The following TLL1 variants were observed in gnomAD, a reference collection of about 807,000 sequenced individuals.
TLL1 encodes the protein tolloid-like protein 1.
In TLL1, 49 loss-of-function variants were observed where a neutral mutation model predicts 128.2. That is an observed-to-expected ratio of 0.38 (90% CI 0.30 to 0.48). The LOEUF (loss-of-function observed/expected upper bound fraction) is 0.48, where lower values mean the gene tolerates loss of function less well. Among genes scored for constraint, TLL1 ranks in the 20% least tolerant of loss-of-function variants. The probability of loss-of-function intolerance (pLI) is 0.96; values close to 1 mark genes in which losing one functional copy is unlikely to be tolerated. For synonymous variants in TLL1, 454 were observed against 418.8 expected (o/e 1.08, Z -1.03); for missense variants, 1,123 against 1,242.0 (o/e 0.90, Z 1.44).
chr4:165,939,793 A>T (rs1275379678), intron 1 of TLL1, among the ~76,000 whole-genome samples: 1 of 151,996 alleles, frequency 6.6e-6, no homozygotes, highest in Non-Finnish European at 1.5e-5. Flanking sequence ...AGTTTTTGAG[A>T]GTAGAAAGGT....
In TLL1 at chr4:166,035,901, C is replaced by G. The variant is rs566060509; in HGVS notation, c.1159-3438C>G. On this transcript the variant is annotated intron_variant, in intron 9 of 20. Coordinates refer to ENST00000061240, the MANE Select transcript of TLL1 (RefSeq NM_012464.5). ...TCCATGGGTTATAGTTTACTGATAC[C>G]TGATTTACTCTCTCTCAGCCTTATT... Among the ~76,000 whole-genome samples the G allele has an allele frequency of 2.6e-5, 4 of 152,196 alleles. No homozygotes were observed. In the South Asian group the frequency reaches 8.3e-4, roughly 32 times the overall value.
At chr4:165,905,667 C>T (rs1732216012) in intron 1 of TLL1, among the ~76,000 whole-genome samples, 2 of 152,168 alleles carry the variant, frequency 1.3e-5, no homozygotes, top group African/African-American at 2.4e-5. Context: ...ATTACACACA[C>T]TCCTACTTTT....
intron 1 of TLL1, among the ~76,000 whole-genome samples, chr4:165,889,195 A>G (rs995753189): frequency 6.6e-6 from 1 of 152,222 alleles, no homozygotes; most frequent in Admixed American, 6.5e-5. Flanking sequence ...GAACTTTGTT[A>G]CAGAACTTAG....
chr4:166,063,357 A>T (rs575136296), intron 15 of TLL1, among the ~76,000 whole-genome samples: 399 of 152,270 alleles, frequency 2.6e-3, no homozygotes, highest in Middle Eastern at 0.01. Context: ...GCTGGAGAGG[A>T]TGTGGAGAAA....
At chr4:166,047,129 T>C (rs1739491065) in intron 12 of TLL1, among the ~76,000 whole-genome samples, 1 of 152,136 alleles carries the variant, frequency 6.6e-6, no homozygotes, top group African/African-American at 2.4e-5. Context: ...ATTCTAGTCT[T>C]TGCCTTGTTT....
intron 1 of TLL1, among the ~76,000 whole-genome samples, chr4:165,919,022 G>T (rs183592812): frequency 6.6e-6 from 1 of 152,252 alleles, no homozygotes; most frequent in Non-Finnish European, 1.5e-5. Flanking sequence ...ACTTTATTCA[G>T]TAATAATGGA....
chr4:165,933,672 G>A (rs1240080439), intron 1 of TLL1, among the ~76,000 whole-genome samples: 1 of 152,092 alleles, frequency 6.6e-6, no homozygotes, highest in Non-Finnish European at 1.5e-5. Context: ...GAGTGCTAGC[G>A]TGGATGGCTT....
At chr4:166,073,051 A>C in intron 16 of TLL1, among the ~76,000 whole-genome samples, 1 of 152,234 alleles carries the variant, frequency 6.6e-6, no homozygotes, top group Admixed American at 6.5e-5. Flanking sequence ...AACATTTTCA[A>C]AGGAAATATG....
At chr4:165,893,811 A>G (rs1460861291) in intron 1 of TLL1, among the ~76,000 whole-genome samples, 1 of 152,172 alleles carries the variant, frequency 6.6e-6, no homozygotes, top group Non-Finnish European at 1.5e-5. Flanking sequence ...TCTTAACCCT[A>G]ATTTAAACAC....
At chr4:166,024,046 C>G (rs1255823806) in intron 8 of TLL1, among the ~76,000 whole-genome samples, 1 of 151,920 alleles carries the variant, frequency 6.6e-6, no homozygotes, top group African/African-American at 2.4e-5. Flanking sequence ...TTCTTTTAAC[C>G]TTACATTTGT....
At position 165,891,999 on chromosome 4, in the gene TLL1, C is replaced by T. The variant is rs1273785614; in HGVS notation, c.169+17926C>T. 6.6e-5 allele frequency among the ~76,000 whole-genome samples: 10 copies of T among 152,286 alleles called. No homozygotes were observed. In the East Asian group the frequency reaches 1.7e-3, roughly 26 times the overall value. On this transcript the variant is annotated intron_variant, in intron 1 of 20. Coordinates refer to ENST00000061240, the MANE Select transcript of TLL1 (RefSeq NM_012464.5). ...AAAGAGGTTTAATTGACTCACTGTT[C>T]AGCATGGCTGAGGAAGCCTCAGGAA...
At chr4:166,044,548 G>T in intron 12 of TLL1, 6 of 938,490 alleles carry the variant, frequency 6.4e-6, no homozygotes, top group Admixed American at 2.6e-5. Flanking sequence ...TAATCATTAT[G>T]TTGTATTTTA....
At chr4:166,096,214 T>TGC (rs1742012219) in intron 19 of TLL1, among the ~76,000 whole-genome samples, 2 of 112,186 alleles carry the variant, frequency 1.8e-5, no homozygotes, top group African/African-American at 2.9e-5. Context: ...GTCATGGGTG[T>TGC]GTGTGTGTGT....
intron 2 of TLL1, among the ~76,000 whole-genome samples, chr4:165,992,287 A>G (rs1736679675): frequency 6.6e-6 from 1 of 152,078 alleles, no homozygotes; most frequent in African/African-American, 2.4e-5. Flanking sequence ...TTCAAAATGC[A>G]GTTGAATATA....
In TLL1 at chr4:166,075,098, G is replaced by C. The variant is rs1325388584; in HGVS notation, c.2314+95G>C. Reference sequence around the variant, plus strand: ...CAAGTAGAGTTAATCATTTCAATGAGTGATATCATGGTGGGCTATCCAAAT... The same window carrying C: ...CAAGTAGAGTTAATCATTTCAATGACTGATATCATGGTGGGCTATCCAAAT... On this transcript the variant is annotated intron_variant, in intron 17 of 20. Transcript: ENST00000061240. The C allele has an allele frequency of 1.9e-6, 3 of 1,546,322 alleles. No homozygotes were observed. The East Asian group carries it at 6.9e-5, about 36-fold the overall frequency.
chr4:165,910,040 A>G (rs1732455864), intron 1 of TLL1, among the ~76,000 whole-genome samples: 1 of 152,160 alleles, frequency 6.6e-6, no homozygotes, highest in Non-Finnish European at 1.5e-5. Flanking sequence ...GAACACTTGG[A>G]ACCCAAACAG....
chr4:165,945,594 A>T (rs1734209572), intron 1 of TLL1, among the ~76,000 whole-genome samples: 1 of 152,206 alleles, frequency 6.6e-6, no homozygotes, highest in African/African-American at 2.4e-5. Context: ...GATATAAAGT[A>T]TGAATTGTAT....
chr4:166,022,508 A>T (rs1307748826), intron 8 of TLL1, among the ~76,000 whole-genome samples: 1 of 152,120 alleles, frequency 6.6e-6, no homozygotes, highest in East Asian at 1.9e-4. Flanking sequence ...GACTTACCTA[A>T]TACAAATTAT....
At chr4:165,988,554 G>A (rs1238988899) in intron 1 of TLL1, among the ~76,000 whole-genome samples, 1 of 152,026 alleles carries the variant, frequency 6.6e-6, no homozygotes, top group Non-Finnish European at 1.5e-5. Context: ...ACTAGAGTCT[G>A]GGAGGTTCAG....
Sources: allele counts gnomAD v4.1 joint callset (sites outside exome capture counted in the v4.1 genomes callset), GRCh38; gene constraint gnomAD v4.1.1; transcripts MANE v1.5; gene names NCBI Gene and HGNC (gene_info 2026-07-23, HGNC 2026-07-21).